The following GSDMC variants were observed in gnomAD, a reference collection of about 807,000 sequenced individuals.
The protein encoded by GSDMC is gasdermin C, also known as gasdermin-C.
Under a neutral mutation model 58.0 loss-of-function variants are expected in GSDMC, and 59 were observed. The ratio of observed to expected loss-of-function variants is 1.02; its 90% CI spans 0.82 to 1.26. GSDMC has a LOEUF of 1.26. Ranked by LOEUF, GSDMC falls within the 50% of genes most tolerant of loss-of-function variation. GSDMC has a pLI of 0.00. For synonymous variants in GSDMC, 241 were observed against 220.2 expected (o/e 1.09, Z -0.83); for missense variants, 659 against 598.5 (o/e 1.10, Z -1.06).
intron 5 of GSDMC, among the ~76,000 whole-genome samples, chr8:129,761,110 A>AC (rs1333428393): frequency 6.6e-6 from 1 of 152,210 alleles, no homozygotes; most frequent in Non-Finnish European, 1.5e-5. Flanking sequence ...TCATGTTCTG[A>AC]CTACTAGCGG....
chr8:129,711,581 C>T, the GSDMC span, among the ~76,000 whole-genome samples: 6 of 152,128 alleles, frequency 3.9e-5, no homozygotes, highest in African/African-American at 1.4e-4. Context: ...AAAGAATTGC[C>T]ATCTAAGAGG....
At chr8:129,763,096 A>G (rs1229869627) in intron 4 of GSDMC, among the ~76,000 whole-genome samples, 1 of 152,178 alleles carries the variant, frequency 6.6e-6, no homozygotes, top group Admixed American at 6.5e-5. Flanking sequence ...ATACTTGGGG[A>G]AAACTGCTTT....
the GSDMC span, among the ~76,000 whole-genome samples, chr8:129,712,499 G>A: frequency 5.3e-5 from 8 of 152,142 alleles, no homozygotes; most frequent in African/African-American, 1.9e-4. Flanking sequence ...CAAGAAAACA[G>A]GGGCAAGTTG....
intron 4 of GSDMC, 25 bp downstream of exon 4, chr8:129,765,600 TCAA>T (rs1203262650): frequency 6.3e-7 from 1 of 1,589,076 alleles, no homozygotes; most frequent in Non-Finnish European, 8.6e-7. Flanking sequence ...TTTTTGAATT[TCAA>T]TCCCACTTCA....
rs577803669 is a variant in GSDMC at position 129,755,024 on chromosome 8, A to C, written c.722-2204T>G. Among the ~76,000 whole-genome samples, 5 of 152,306 alleles carry C rather than the reference A, an allele frequency of 3.3e-5. No homozygotes were observed. In the South Asian group the frequency reaches 1.0e-3, roughly 32 times the overall value. On this transcript the variant is annotated intron_variant, in intron 6 of 13. Coordinates refer to ENST00000276708, the MANE Select transcript of GSDMC (RefSeq NM_031415.3). ...AGTTGACCTTAAAGAGGACACAGAG[A>C]AAGAGATAGGGTAAGAAAGTTTATC...
intron 6 of GSDMC, among the ~76,000 whole-genome samples, chr8:129,756,888 T>C (rs369953842): frequency 6.6e-6 from 1 of 152,084 alleles, no homozygotes; most frequent in South Asian, 2.1e-4. Context: ...TACCAAAAGC[T>C]GTGGGACAAA....
chr8:129,755,814 G>GT (rs1392085596), intron 6 of GSDMC, among the ~76,000 whole-genome samples: 1 of 151,328 alleles, frequency 6.6e-6, no homozygotes, highest in Admixed American at 6.6e-5. Context: ...AAAATAATGG[G>GT]TTATGAGACA....
At chr8:129,711,720 G>A in the GSDMC span, among the ~76,000 whole-genome samples, 1 of 152,198 alleles carries the variant, frequency 6.6e-6, no homozygotes. Flanking sequence ...CAAGTTACTT[G>A]ACATCTCTAG....
At chr8:129,755,118 A>G (rs1002836679) in intron 6 of GSDMC, among the ~76,000 whole-genome samples, 4 of 152,224 alleles carry the variant, frequency 2.6e-5, no homozygotes, top group African/African-American at 9.6e-5. Flanking sequence ...CAAGTAAGTT[A>G]TAGAACACCA....
At chr8:129,784,281 A>T (rs573616378) in intron 1 of GSDMC, among the ~76,000 whole-genome samples, 9 of 152,330 alleles carry the variant, frequency 5.9e-5, no homozygotes, top group African/African-American at 1.9e-4. Context: ...CCAGCAAAGG[A>T]AAAGATCAAC....
chr8:129,743,180 C>T, the GSDMC span, among the ~76,000 whole-genome samples: 2 of 152,062 alleles, frequency 1.3e-5, no homozygotes, highest in South Asian at 2.1e-4. Context: ...ATTTTCAGCA[C>T]GTATTTCTTT....
At chr8:129,766,367 G>T (rs1379590535) in intron 3 of GSDMC, among the ~76,000 whole-genome samples, 1 of 152,150 alleles carries the variant, frequency 6.6e-6, no homozygotes, top group Non-Finnish European at 1.5e-5. Context: ...AGTACTGAAG[G>T]TAGATTTCAT....
At chr8:129,722,043 A>T in the GSDMC span, among the ~76,000 whole-genome samples, 1 of 152,346 alleles carries the variant, frequency 6.6e-6, no homozygotes, top group Admixed American at 6.5e-5. Context: ...CAAAAAAATT[A>T]AAAACATATA....
At chr8:129,778,490 G>A (rs891608661) in intron 1 of GSDMC, among the ~76,000 whole-genome samples, 5 of 152,012 alleles carry the variant, frequency 3.3e-5, no homozygotes, top group Non-Finnish European at 7.4e-5. Flanking sequence ...TGTAAAACCC[G>A]AAACTATAAA....
At chr8:129,747,963 C>T (rs115721990), downstream of GSDMC, among the ~76,000 whole-genome samples, 412 of 152,060 alleles carry the variant, frequency 2.7e-3, 1 homozygote, top group African/African-American at 9.4e-3. Context: ...CACACACACA[C>T]GTGGGGGCTA....
At chr8:129,769,864 C>G (rs1282389085) in intron 3 of GSDMC, among the ~76,000 whole-genome samples, 2 of 152,092 alleles carry the variant, frequency 1.3e-5, no homozygotes. Flanking sequence ...GGAAGTTCAC[C>G]ACTAGATCTG....
the GSDMC span, among the ~76,000 whole-genome samples, chr8:129,730,718 A>C: frequency 6.6e-6 from 1 of 152,344 alleles, no homozygotes; most frequent in South Asian, 2.1e-4. Context: ...GCAACACAGC[A>C]GTCTCCTACT....
intron 4 of GSDMC, among the ~76,000 whole-genome samples, chr8:129,765,277 C>A: frequency 6.6e-6 from 1 of 152,102 alleles, no homozygotes. Flanking sequence ...AGTGGTCCCT[C>A]ATTTCTTCCA....
chr8:129,751,107 A>G (rs1448074756), intron 10 of GSDMC, among the ~76,000 whole-genome samples: 1 of 152,216 alleles, frequency 6.6e-6, no homozygotes, highest in Admixed American at 6.5e-5. Flanking sequence ...CCCCATCTCA[A>G]AAAAACAAGA....
Sources: allele counts gnomAD v4.1 joint callset (sites outside exome capture counted in the v4.1 genomes callset), GRCh38; gene constraint gnomAD v4.1.1; transcripts MANE v1.5; gene names NCBI Gene and HGNC (gene_info 2026-07-23, HGNC 2026-07-21).